Variants in HS2ST1 observed in about 807,000 individuals in gnomAD.
HS2ST1 encodes the protein 2-O-sulfotransferase.
A neutral mutation model predicts 42.9 loss-of-function variants in HS2ST1; 18 were observed. That is an observed-to-expected ratio of 0.42 (90% CI 0.29 to 0.62). HS2ST1 has a LOEUF of 0.62. Among genes scored for constraint, HS2ST1 ranks in the 20% least tolerant of loss-of-function variants. The pLI is 0.21. For synonymous variants in HS2ST1, 146 were observed against 152.9 expected (o/e 0.95, Z 0.33); for missense variants, 334 against 433.8 (o/e 0.77, Z 2.04).
rs546896840 is a variant in HS2ST1 at position 86,964,035 on chromosome 1, C to T, written c.124+48875C>T. ...GCAGAGACGCTCCTCACCTCCCAGA[C>T]GGGGTCGCGGCCGGGCAGAGGCGCT... is the stretch of plus-strand genomic sequence containing the variant. On this transcript the variant is annotated intron_variant, in intron 1 of 6. Transcript: ENST00000370550. 1.6e-4 allele frequency among the ~76,000 whole-genome samples: 24 copies of T among 150,806 alleles called. No homozygotes were observed. The South Asian group carries it at 4.6e-3, about 29-fold the overall frequency.
At chr1:87,087,204 GA>G (rs770010208) in intron 3 of HS2ST1, among the ~76,000 whole-genome samples, 1 of 151,930 alleles carries the variant, frequency 6.6e-6, no homozygotes, top group Non-Finnish European at 1.5e-5. Context: ...TAAAATGTTA[GA>G]AGTCTCTTTC....
chr1:87,013,692 G>T (rs996617358), intron 1 of HS2ST1, among the ~76,000 whole-genome samples: 2 of 152,168 alleles, frequency 1.3e-5, no homozygotes, highest in African/African-American at 4.8e-5. Flanking sequence ...CTGATTTTCT[G>T]AACTTTTATG....
chr1:87,012,081 A>G (rs996663490), intron 1 of HS2ST1, among the ~76,000 whole-genome samples: 4 of 152,230 alleles, frequency 2.6e-5, no homozygotes, highest in African/African-American at 9.6e-5. Context: ...TTCAGAGGAT[A>G]GAAATGTCCA....
At chr1:87,098,020 G>A (rs773693518) in intron 5 of HS2ST1, 85 bp downstream of exon 5, 47 of 1,574,774 alleles carry the variant, frequency 3.0e-5, no homozygotes, top group Non-Finnish European at 3.9e-5. Flanking sequence ...GCTAGATATA[G>A]GGAAATCGGT....
At chr1:86,925,928 A>T (rs953046318) in intron 1 of HS2ST1, among the ~76,000 whole-genome samples, 7 of 152,168 alleles carry the variant, frequency 4.6e-5, no homozygotes, top group Admixed American at 4.6e-4. Context: ...GGTAATTTTT[A>T]ACTGGATGGC....
chr1:87,020,659 G>A (rs1462340327), intron 1 of HS2ST1, among the ~76,000 whole-genome samples: 2 of 152,172 alleles, frequency 1.3e-5, no homozygotes, highest in African/African-American at 4.8e-5. Context: ...GGAGATCAAG[G>A]TGTTGGCAGG....
At chr1:87,070,552 A>G (rs1255886233) in intron 1 of HS2ST1, among the ~76,000 whole-genome samples, 2 of 152,158 alleles carry the variant, frequency 1.3e-5, no homozygotes, top group South Asian at 2.1e-4. Context: ...TGGTCACACC[A>G]CTGCACTCCA....
intron 1 of HS2ST1, among the ~76,000 whole-genome samples, chr1:86,937,311 A>T (rs1171098096): frequency 1.3e-5 from 2 of 152,178 alleles, no homozygotes; most frequent in Non-Finnish European, 1.5e-5. Context: ...GAGAACCTAA[A>T]TATGTCAAAA....
chr1:86,978,256 A>C (rs1251724268), intron 1 of HS2ST1, among the ~76,000 whole-genome samples: 1 of 152,252 alleles, frequency 6.6e-6, no homozygotes, highest in Non-Finnish European at 1.5e-5. Flanking sequence ...ATAACTGTAC[A>C]CATATAAAAG....
chr1:86,980,379 A>G (rs1648542851), intron 1 of HS2ST1, among the ~76,000 whole-genome samples: 1 of 152,234 alleles, frequency 6.6e-6, no homozygotes, highest in African/African-American at 2.4e-5. Flanking sequence ...GATTGTATTT[A>G]TACCAACTAT....
At chr1:87,034,381 T>A (rs1238532620) in intron 1 of HS2ST1, among the ~76,000 whole-genome samples, 3 of 152,194 alleles carry the variant, frequency 2.0e-5, no homozygotes, top group African/African-American at 7.2e-5. Flanking sequence ...AGAGTAACTA[T>A]TATAAGTGGT....
intron 1 of HS2ST1, among the ~76,000 whole-genome samples, chr1:87,048,002 G>A (rs1445841569): frequency 2.6e-5 from 4 of 152,152 alleles, no homozygotes; most frequent in African/African-American, 9.6e-5. Flanking sequence ...GGATTGCATG[G>A]CATCTGTATA....
At chr1:87,007,114 T>G (rs891610042) in intron 1 of HS2ST1, among the ~76,000 whole-genome samples, 9 of 152,092 alleles carry the variant, frequency 5.9e-5, no homozygotes, top group Non-Finnish European at 1.3e-4. Context: ...AATAACCTCT[T>G]AATTTCTTTT....
chr1:86,975,998 C>T (rs1213144312), intron 1 of HS2ST1, among the ~76,000 whole-genome samples: 1 of 152,104 alleles, frequency 6.6e-6, no homozygotes, highest in Non-Finnish European at 1.5e-5. Flanking sequence ...GCAAATGTAT[C>T]TTTGGTATTT....
At chr1:86,918,412 A>G (rs376992545) in intron 1 of HS2ST1, among the ~76,000 whole-genome samples, 49 of 152,222 alleles carry the variant, frequency 3.2e-4, no homozygotes, top group Non-Finnish European at 6.2e-4. Context: ...TGCATGTATC[A>G]TAAATTATTA....
chr1:87,019,964 C>G (rs1002260695), intron 1 of HS2ST1, among the ~76,000 whole-genome samples: 1 of 152,118 alleles, frequency 6.6e-6, no homozygotes, highest in Non-Finnish European at 1.5e-5. Context: ...ATAATGGAAG[C>G]CAAGTGGGCA....
intron 1 of HS2ST1, among the ~76,000 whole-genome samples, chr1:86,916,194 T>A (rs1017860648): frequency 7.2e-5 from 11 of 152,304 alleles, no homozygotes; most frequent in Admixed American, 3.9e-4. Flanking sequence ...AAATTTTGAT[T>A]TAAAAATGTA....
At chr1:87,104,352 T>C (rs1017423983) in intron 6 of HS2ST1, 118 bp from the exon 7 acceptor site, 1 of 672,348 alleles carries the variant, frequency 1.5e-6, no homozygotes, top group Admixed American at 2.7e-5. Context: ...TATAAGACAA[T>C]TATGTTACCT....
chr1:86,981,910 A>C (rs1648605629), intron 1 of HS2ST1, among the ~76,000 whole-genome samples: 1 of 152,022 alleles, frequency 6.6e-6, no homozygotes. Flanking sequence ...TTTCCTTTCC[A>C]CACCGTCCTA....
Sources: gnomAD v4.1 joint callset for allele counts (sites outside exome capture counted in the v4.1 genomes callset) on GRCh38, gnomAD v4.1.1 for gene constraint, MANE v1.5 for transcripts, NCBI Gene and HGNC (gene_info 2026-07-23, HGNC 2026-07-21) for gene names.